The following AUTS2 variants were observed in gnomAD, a reference collection of about 807,000 sequenced individuals.
AUTS2 encodes autism susceptibility gene 2 protein.
AUTS2 carries 17 observed loss-of-function variants against 112.4 expected under a neutral mutation model. The observed-to-expected ratio is 0.15, with a 90% CI of 0.10 to 0.23. The LOEUF is 0.23. AUTS2 is among the 10% of genes least tolerant of loss of function. AUTS2 has a pLI of 1.00. For missense variants in AUTS2, 1,510 were observed against 1,701.6 expected (o/e 0.89, Z 1.98); for synonymous variants, 751 against 702.7 (o/e 1.07, Z -1.09).
At chr7:70,693,750 G>T (rs1207044682) in intron 5 of AUTS2, among the ~76,000 whole-genome samples, 1 of 152,250 alleles carries the variant, frequency 6.6e-6, no homozygotes, top group Non-Finnish European at 1.5e-5. Flanking sequence ...CAGGCTGCGG[G>T]CCTAGTGGCC....
chr7:70,190,709 T>G (rs1468553295), intron 4 of AUTS2, among the ~76,000 whole-genome samples: 1 of 152,252 alleles, frequency 6.6e-6, no homozygotes, highest in Non-Finnish European at 1.5e-5. Context: ...TTTACTGATG[T>G]TTCAATTCTG....
chr7:69,875,543 G>A (rs1053611450), intron 1 of AUTS2, among the ~76,000 whole-genome samples: 2 of 152,118 alleles, frequency 1.3e-5, no homozygotes, highest in Non-Finnish European at 2.9e-5. Context: ...CCATATCCTG[G>A]TTCCATTTTT....
At chr7:69,950,302 A>G (rs1029174035) in intron 2 of AUTS2, among the ~76,000 whole-genome samples, 1 of 152,156 alleles carries the variant, frequency 6.6e-6, no homozygotes, top group African/African-American at 2.4e-5. Flanking sequence ...AATTTTACCA[A>G]TATATATCCC....
intron 1 of AUTS2, among the ~76,000 whole-genome samples, chr7:69,737,922 T>C (rs1787103717): frequency 1.3e-5 from 2 of 152,202 alleles, no homozygotes; most frequent in African/African-American, 2.4e-5. Flanking sequence ...ATCGGAAACA[T>C]TGGCTGTCTA....
chr7:70,703,045 C>A (rs1452499084), intron 6 of AUTS2, among the ~76,000 whole-genome samples: 4 of 152,126 alleles, frequency 2.6e-5, no homozygotes, highest in African/African-American at 9.7e-5. Flanking sequence ...AGTTACCCAG[C>A]GATACTGCTG....
At chr7:70,061,348 T>C (rs1461841759) in intron 2 of AUTS2, among the ~76,000 whole-genome samples, 1 of 152,204 alleles carries the variant, frequency 6.6e-6, no homozygotes, top group Non-Finnish European at 1.5e-5. Context: ...CATTCCTGAT[T>C]CTGGTGTTTT....
At chr7:69,702,048 CT>C (rs1797837749) in intron 1 of AUTS2, among the ~76,000 whole-genome samples, 1 of 152,228 alleles carries the variant, frequency 6.6e-6, no homozygotes, top group Non-Finnish European at 1.5e-5. Flanking sequence ...AGTGCATCCT[CT>C]TTATTTGACT....
chr7:70,633,006 A>C (rs1318263331), intron 5 of AUTS2, among the ~76,000 whole-genome samples: 1 of 151,642 alleles, frequency 6.6e-6, no homozygotes, highest in African/African-American at 2.4e-5. Flanking sequence ...GAAAAAAAAA[A>C]GTTGGTCTGG....
chr7:70,583,643 T>C (rs967909344), intron 5 of AUTS2, among the ~76,000 whole-genome samples: 1 of 152,090 alleles, frequency 6.6e-6, no homozygotes, highest in East Asian at 1.9e-4. Context: ...TGGTGGACAG[T>C]GAGTGAAGAA....
intron 2 of AUTS2, among the ~76,000 whole-genome samples, chr7:70,107,158 A>G (rs1205475482): frequency 6.6e-6 from 1 of 152,084 alleles, no homozygotes; most frequent in Non-Finnish European, 1.5e-5. Flanking sequence ...ATACCTCACT[A>G]TCTAAAATAT....
At chr7:70,476,862 A>C (rs1797603143) in intron 5 of AUTS2, among the ~76,000 whole-genome samples, 1 of 152,234 alleles carries the variant, frequency 6.6e-6, no homozygotes, top group African/African-American at 2.4e-5. Flanking sequence ...TGTGGTGAGC[A>C]TACTGTTATA....
At chr7:70,470,110 GA>G (rs1797322216) in intron 5 of AUTS2, among the ~76,000 whole-genome samples, 1 of 152,156 alleles carries the variant, frequency 6.6e-6, no homozygotes, top group African/African-American at 2.4e-5. Context: ...TTTGCCTGAG[GA>G]AAAAACTAAC....
intron 2 of AUTS2, among the ~76,000 whole-genome samples, chr7:70,097,307 T>C (rs963848360): frequency 9.9e-5 from 15 of 152,218 alleles, no homozygotes; most frequent in African/African-American, 3.6e-4. Context: ...ACCTTTTGAA[T>C]CATTTTGTTT....
At chr7:69,915,585 C>T (rs913444270) in intron 2 of AUTS2, among the ~76,000 whole-genome samples, 28 of 152,280 alleles carry the variant, frequency 1.8e-4, no homozygotes, top group African/African-American at 6.5e-4. Flanking sequence ...ACTCTTAGTA[C>T]AGGAAAGTCT....
intron 1 of AUTS2, among the ~76,000 whole-genome samples, chr7:69,710,617 A>G (rs1798274653): frequency 6.6e-6 from 1 of 152,244 alleles, no homozygotes; most frequent in Non-Finnish European, 1.5e-5. Flanking sequence ...CCTACTTGGT[A>G]TACAGGAGTC....
chr7:70,071,296 T>A (rs1233840229), intron 2 of AUTS2, among the ~76,000 whole-genome samples: 1 of 152,042 alleles, frequency 6.6e-6, no homozygotes, highest in Admixed American at 6.6e-5. Flanking sequence ...GGAAAGAGAG[T>A]CTTCCATGCA....
In AUTS2 at chr7:70,686,875, T is replaced by A. The variant is rs191413642; in HGVS notation, c.691-11694T>A. The stretch of plus-strand genomic sequence containing the variant: ...ATTCATTCATTTATTTGTTTTTAAA[T>A]CCAATCGAATTTAGCAGTGGGGAGT... On this transcript the variant is annotated intron_variant, in intron 5 of 18. Coordinates refer to ENST00000342771, the MANE Select transcript of AUTS2 (RefSeq NM_015570.4). Among the ~76,000 whole-genome samples the A allele has an allele frequency of 2.0e-5, 3 of 152,314 alleles. No homozygotes were observed. In the East Asian group the frequency reaches 5.8e-4, roughly 29 times the overall value.
At chr7:70,625,527 T>C (rs1301119041) in intron 5 of AUTS2, among the ~76,000 whole-genome samples, 1 of 152,236 alleles carries the variant, frequency 6.6e-6, no homozygotes, top group African/African-American at 2.4e-5. Context: ...TGTCAACTTT[T>C]GTTGTGATTT....
At chr7:70,433,145 A>G (rs1162055469) in intron 4 of AUTS2, among the ~76,000 whole-genome samples, 1 of 152,148 alleles carries the variant, frequency 6.6e-6, no homozygotes, top group Non-Finnish European at 1.5e-5. Context: ...TTAGAACTGG[A>G]CTGTTGGAAA....
Sources: allele counts gnomAD v4.1 joint callset (sites outside exome capture counted in the v4.1 genomes callset), GRCh38; gene constraint gnomAD v4.1.1; transcripts MANE v1.5; gene names NCBI Gene and HGNC (gene_info 2026-07-23, HGNC 2026-07-21).